Variants in PREX1 observed in about 807,000 individuals in gnomAD.
PREX1 encodes the protein phosphatidylinositol-3,4,5-trisphosphate dependent Rac exchange factor 1, also known as phosphatidylinositol 3,4,5-trisphosphate-dependent Rac exchanger 1 protein.
PREX1 carries 41 observed loss-of-function variants against 198.3 expected under a neutral mutation model. The observed-to-expected ratio is 0.21, with a 90% CI of 0.16 to 0.27. The LOEUF is 0.27. Among genes scored for constraint, PREX1 ranks in the 10% least tolerant of loss-of-function variants. The pLI is 1.00. For synonymous variants in PREX1, 843 were observed against 887.2 expected, an observed-to-expected ratio of 0.95 and a Z score of 0.89; for missense variants, 1,620 against 2,200.7, an observed-to-expected ratio of 0.74 and a Z score of 5.28.
intron 5 of PREX1, among the ~76,000 whole-genome samples, chr20:48,724,116 C>CA (rs944865059): frequency 7.2e-5 from 11 of 152,184 alleles, no homozygotes; most frequent in African/African-American, 2.7e-4. Flanking sequence ...AGCACTTTGG[C>CA]AGTTTAACTC....
At chr20:48,847,036 C>T in the PREX1 span, among the ~76,000 whole-genome samples, 1 of 152,250 alleles carries the variant, frequency 6.6e-6, no homozygotes, top group South Asian at 2.1e-4. Context: ...TCCTCATCAG[C>T]CTGGGATAGG....
chr20:48,879,027 G>A, the PREX1 span, among the ~76,000 whole-genome samples: 1 of 152,186 alleles, frequency 6.6e-6, no homozygotes, highest in East Asian at 1.9e-4. Context: ...GAGTTCCGGT[G>A]ACATCTTTGA....
intron 7 of PREX1, among the ~76,000 whole-genome samples, chr20:48,698,060 C>T (rs1396271291): frequency 6.6e-6 from 1 of 152,238 alleles, no homozygotes; most frequent in Non-Finnish European, 1.5e-5. Flanking sequence ...AGAGCTCAGC[C>T]CTCTGGCTCT....
the PREX1 span, among the ~76,000 whole-genome samples, chr20:48,857,530 G>GT: frequency 6.6e-6 from 1 of 152,078 alleles, no homozygotes; most frequent in African/African-American, 2.4e-5. Context: ...CTGGGAGACA[G>GT]TTTTTTAAAA....
At chr20:48,681,007 T>A (rs981647910) in intron 11 of PREX1, among the ~76,000 whole-genome samples, 3 of 152,190 alleles carry the variant, frequency 2.0e-5, no homozygotes, top group Non-Finnish European at 2.9e-5. Flanking sequence ...AAGGGACAGA[T>A]AAAAGATTCT....
At chr20:48,650,462 T>C (rs1449384144) in intron 23 of PREX1, among the ~76,000 whole-genome samples, 1 of 152,212 alleles carries the variant, frequency 6.6e-6, no homozygotes, top group African/African-American at 2.4e-5. Flanking sequence ...TGAACCATCC[T>C]TGAGGCATTG....
chr20:48,692,917 T>C, intron 7 of PREX1, 127 bp from the exon 8 acceptor site: 1 of 773,290 alleles, frequency 1.3e-6, no homozygotes, highest in Non-Finnish European at 2.3e-6. Flanking sequence ...CAGGTAGGGG[T>C]CAGGAGCAGG....
At chr20:48,842,302 C>A in the PREX1 span, among the ~76,000 whole-genome samples, 1 of 152,176 alleles carries the variant, frequency 6.6e-6, no homozygotes, top group Non-Finnish European at 1.5e-5. Context: ...GCCACAAACA[C>A]CTCTTCTTTC....
In PREX1 at chr20:48,747,853, C is replaced by T. The variant is rs773131670; in HGVS notation, c.247G>A (p.Val83Met). ...SAFLHRIRQN[V>M]ADSVEKGLTE... ...AGGCCCTTCTCCACTGAGTCGGCCA[C>T]GTTCTGCCGGATGCGATGCAGGAAT... Residue 83 changes from valine to methionine, a missense_variant, in exon 2 of 40, where the codon GTG becomes ATG. Physicochemically the swap from Val to Met is conservative, Grantham distance 21. Coordinates refer to ENST00000371941, the MANE Select transcript of PREX1 (RefSeq NM_020820.4). The T allele has an allele frequency of 1.1e-5, 17 of 1,613,382 alleles. No individual in the cohort carries two copies. In the Admixed American group the frequency reaches 1.5e-4, roughly 14 times the overall value.
chr20:48,656,599 T>A, intron 18 of PREX1: 1 of 453,516 alleles, frequency 2.2e-6, no homozygotes. Flanking sequence ...TCCCCTTGAC[T>A]CCCCCCTCAT....
rs1373152651 is a variant in PREX1 at position 48,661,468 on chromosome 20, T to TATACAC, written c.1739-1408_1739-1407insGTGTAT. Among the ~76,000 whole-genome samples the TATACAC allele has an allele frequency of 1.4e-3, 108 of 76,752 alleles. 1 individual carries two copies. The highest frequency in any genetic ancestry group is 4.3e-3 in the African/African-American group (43 of 9,942). The allele number at this position is 76,752 out of a possible 152,430, so 50.4% of individuals were successfully genotyped here. Reference sequence around the variant, plus strand: ...AAATATATATATATATATATATATATACACACACATATATATAATATAATA... The same window carrying TATACAC: ...AAATATATATATATATATATATATATATACACACACACACATATATATAATATAATA... On this transcript the variant is annotated intron_variant, in intron 15 of 39. Transcript: ENST00000371941.
chr20:48,787,722 A>C (rs1253455898), intron 1 of PREX1, among the ~76,000 whole-genome samples: 2 of 152,248 alleles, frequency 1.3e-5, no homozygotes, highest in Non-Finnish European at 2.9e-5. Flanking sequence ...AAACCCCTAA[A>C]GAAGTCTGGT....
chr20:48,692,284 A>G lies in PREX1; in HGVS notation c.1036+388T>C, dbSNP rs747381374. ...TGCACATATATAATTACATATATGT[A>G]AAGCCACTTAAACATATGTAATCAT... On this transcript the variant is annotated intron_variant, in intron 8 of 39. Coordinates refer to ENST00000371941, the MANE Select transcript of PREX1 (RefSeq NM_020820.4). 2.7e-5 allele frequency: 5 copies of G among 185,928 alleles called. No individual in the cohort carries two copies. In the South Asian group the frequency reaches 5.1e-4, roughly 19 times the overall value. The allele number at this position is 185,928 out of a possible 1,614,324, so 11.5% of individuals were successfully genotyped here. A position where few individuals can be genotyped will look rare whatever the true frequency, so the allele number is the denominator to read the frequency against.
At chr20:48,836,519 G>C in the PREX1 span, among the ~76,000 whole-genome samples, 2 of 152,172 alleles carry the variant, frequency 1.3e-5, no homozygotes, top group Admixed American at 1.3e-4. Context: ...TCGTGAAATA[G>C]ACAGAGGGCA....
In PREX1 at chr20:48,653,434, T is replaced by C; in HGVS notation, c.2273A>G (p.Asn758Ser). Residue 758 changes from asparagine to serine, a missense_variant, in exon 20 of 40, where the codon AAC becomes AGC. Asn to Ser is a conservative substitution (Grantham distance 46). This residue lies in a region of PREX1 where 514 missense variants were observed against 611.6 expected (regional missense o/e 0.84). Transcript: ENST00000371941. ...GQCILKVNGS[N>S]VMNDGAPEVL... ...CTCAGGGGCACCATCGTTCATCACG[T>C]TGCTGCCATTGACCTTCAGAATGCA... 3 of 1,613,938 alleles carry C rather than the reference T, an allele frequency of 1.9e-6. No individual in the cohort carries two copies. The highest frequency in any genetic ancestry group is 1.7e-6 in the Non-Finnish European group (2 of 1,180,014).
Position 48,642,250 on chromosome 20 carries a change from G to GGAGT in PREX1, c.3689_3692dup (p.Ile1232LeufsTer31). On this transcript the variant is annotated frameshift_variant, in exon 29 of 40. Transcript: ENST00000371941. LOFTEE classifies it high-confidence loss of function. ...CTGGCCCCTTGAGGAGAGCATTGAT[G>GGAGT]GAGTCCACCTGGGTGGCAAGAAGCC... 1 of 1,614,228 alleles carries GGAGT rather than the reference G, an allele frequency of 6.2e-7. No homozygotes were observed. The highest frequency in any genetic ancestry group is 8.5e-7 in the Non-Finnish European group (1 of 1,180,026).
At chr20:48,845,947 C>T in the PREX1 span, among the ~76,000 whole-genome samples, 1 of 152,056 alleles carries the variant, frequency 6.6e-6, no homozygotes, top group East Asian at 1.9e-4. Flanking sequence ...TAAATGGTCT[C>T]ACAGGCTATT....
intron 1 of PREX1, among the ~76,000 whole-genome samples, chr20:48,783,547 G>A (rs539686484): frequency 6.6e-6 from 1 of 152,290 alleles, no homozygotes; most frequent in South Asian, 2.1e-4. Flanking sequence ...ACATCACCAG[G>A]AAGAGAAGAG....
Position 48,747,800 on chromosome 20 carries a change from C to G in PREX1, c.291+9G>C, listed in dbSNP as rs771412479. Reference sequence around the variant, plus strand: ...GCTCTAGAACAGGGGCCAGCCCCAGCGTCCACACCTTGACATTCTCCTCCG... The same window carrying G: ...GCTCTAGAACAGGGGCCAGCCCCAGGGTCCACACCTTGACATTCTCCTCCG... On this transcript the variant is annotated intron_variant, in intron 2 of 39. Coordinates refer to ENST00000371941, the MANE Select transcript of PREX1 (RefSeq NM_020820.4). 8 of 1,610,284 alleles carry G rather than the reference C, an allele frequency of 5.0e-6. No individual in the cohort carries two copies. The highest frequency in any genetic ancestry group is 1.6e-4 in the Middle Eastern group (1 of 6,072).
Sources: allele counts gnomAD v4.1 joint callset (sites outside exome capture counted in the v4.1 genomes callset), GRCh38; gene constraint gnomAD v4.1.1; regional missense constraint gnomAD v4.1.1; transcripts MANE v1.5; gene names NCBI Gene and HGNC (gene_info 2026-07-23, HGNC 2026-07-21).